Variants in TRPC5 observed in about 807,000 individuals in gnomAD.
TRPC5 encodes the protein transient receptor potential cation channel subfamily C member 5, also known as short transient receptor potential channel 5.
In TRPC5, 9 loss-of-function variants were observed where a neutral mutation model predicts 56.5. That is an observed-to-expected ratio of 0.16 (90% CI 0.10 to 0.28). The LOEUF (loss-of-function observed/expected upper bound fraction) is 0.28. TRPC5 is among the 10% of genes least tolerant of loss of function. TRPC5 has a pLI of 1.00. For synonymous variants in TRPC5, 282 were observed against 278.5 expected (o/e 1.01, Z -0.13); for missense variants, 469 against 748.9 (o/e 0.63, Z 4.36).
rs144243405 is a variant in TRPC5, at chrX:111,789,708, C to G, written c.1897-7570G>C. 5.5e-3 allele frequency among the ~76,000 whole-genome samples: 614 copies of G among 111,928 alleles called. 3 individuals carry two copies. The highest frequency in any genetic ancestry group is 0.019 in the African/African-American group (574 of 30,820). ...ATCCAGAATCTACAAAGAACTCAAG[C>G]AAATTTACAAGAAAAAAGCAACCCC... On this transcript the variant is annotated intron_variant, in intron 7 of 10. Transcript: ENST00000262839.
intron 3 of TRPC5, among the ~76,000 whole-genome samples, chrX:111,873,756 C>T (rs1923832829): frequency 9.1e-6 from 1 of 110,241 alleles, no homozygotes; most frequent in Admixed American, 9.7e-5. Flanking sequence ...TGCGCTGCAG[C>T]CTGGGCAACA....
chrX:112,056,992 C>T (rs1044808698), intron 1 of TRPC5, among the ~76,000 whole-genome samples: 1 of 112,408 alleles, frequency 8.9e-6, no homozygotes, highest in Non-Finnish European at 1.9e-5. Flanking sequence ...AACCAAAGGT[C>T]TGGCTTCAGC....
At chrX:111,796,048 T>C (rs181231285) in intron 7 of TRPC5, among the ~76,000 whole-genome samples, 46 of 112,144 alleles carry the variant, frequency 4.1e-4, no homozygotes, top group African/African-American at 1.4e-3. Flanking sequence ...TCTTAATTGA[T>C]CCATCTTCCA....
chrX:111,894,121 A>G (rs1924948129), intron 3 of TRPC5, among the ~76,000 whole-genome samples: 1 of 111,398 alleles, frequency 9.0e-6, no homozygotes, highest in Admixed American at 9.6e-5. Flanking sequence ...TCTGGCACCC[A>G]CCCTCACCAA....
chrX:112,008,283 T>C (rs1928893834), intron 1 of TRPC5, among the ~76,000 whole-genome samples: 1 of 111,903 alleles, frequency 8.9e-6, no homozygotes, highest in African/African-American at 3.2e-5. Flanking sequence ...ATGAACCTTA[T>C]TGTATTTTAG....
In TRPC5 at chrX:111,989,831, T is replaced by C. The variant is rs755386264; in HGVS notation, c.-21-37390A>G. Among the ~76,000 whole-genome samples the C allele has an allele frequency of 4.4e-4, 49 of 112,226 alleles. 1 individual carries two copies. The highest frequency in any genetic ancestry group is 8.3e-4 in the Non-Finnish European group (44 of 53,306). On this transcript the variant is annotated intron_variant, in intron 1 of 10. Coordinates refer to ENST00000262839, the MANE Select transcript of TRPC5 (RefSeq NM_012471.3). ...GCAAGATGCATACTGTATGATATCT[T>C]TGAAACAAATTAAAACACACAAAAA...
intron 3 of TRPC5, among the ~76,000 whole-genome samples, chrX:111,871,300 T>C (rs1923746858): frequency 9.1e-6 from 1 of 109,561 alleles, no homozygotes; most frequent in African/African-American, 3.4e-5. Context: ...ACCAAATAGA[T>C]GGAAGCAGGC....
At chrX:111,813,866 A>G (rs1487926701) in intron 7 of TRPC5, among the ~76,000 whole-genome samples, 3 of 112,316 alleles carry the variant, frequency 2.7e-5, no homozygotes, top group African/African-American at 9.7e-5. Context: ...AATTGCTGTG[A>G]CATATACATG....
chrX:111,821,299 G>T (rs1424680221), intron 7 of TRPC5, among the ~76,000 whole-genome samples: 1 of 110,869 alleles, frequency 9.0e-6, no homozygotes, highest in Non-Finnish European at 1.9e-5. Flanking sequence ...CAAAACAGAG[G>T]AAAAAGCAAA....
At chrX:112,019,772 C>A (rs1048334255) in intron 1 of TRPC5, among the ~76,000 whole-genome samples, 24 of 111,492 alleles carry the variant, frequency 2.2e-4, no homozygotes, top group African/African-American at 7.8e-4. Flanking sequence ...AAATGGAGGC[C>A]TAGCAAGTGG....
chrX:111,850,003 T>C (rs1490664992), intron 5 of TRPC5, among the ~76,000 whole-genome samples: 2 of 111,914 alleles, frequency 1.8e-5, no homozygotes, highest in Non-Finnish European at 3.8e-5. Context: ...TTATAAACCC[T>C]AAAGCAAAAT....
At chrX:112,022,961 G>C (rs975947512) in intron 1 of TRPC5, among the ~76,000 whole-genome samples, 1 of 110,681 alleles carries the variant, frequency 9.0e-6, no homozygotes, top group Non-Finnish European at 1.9e-5. Context: ...TTGAGACGGA[G>C]TCTCGCCCTG....
chrX:111,837,747 C>T (rs1922605652), intron 6 of TRPC5, among the ~76,000 whole-genome samples: 1 of 110,259 alleles, frequency 9.1e-6, no homozygotes, highest in African/African-American at 3.3e-5. Flanking sequence ...CAGATACAAA[C>T]GTTCCCTAAA....
intron 3 of TRPC5, among the ~76,000 whole-genome samples, chrX:111,888,433 G>C (rs1166384754): frequency 9.4e-6 from 1 of 106,618 alleles, no homozygotes; most frequent in African/African-American, 3.4e-5. Context: ...CCAGAACTTT[G>C]GGAGGCCGAG....
intron 3 of TRPC5, among the ~76,000 whole-genome samples, chrX:111,889,007 A>G (rs1345288372): frequency 8.9e-6 from 1 of 112,101 alleles, no homozygotes; most frequent in Non-Finnish European, 1.9e-5. Context: ...TTAGTTTTGA[A>G]TGTACTGTGT....
rs150199638 is a variant in TRPC5 at position 112,016,228 on chromosome X, G to A, written c.-21-63787C>T. ...GTTTGCTTAGAATGACCGGCAAGGC[G>A]GCTCCTGCATTTGCCATCCATCACC... is the stretch of plus-strand genomic sequence containing the variant. On this transcript the variant is annotated intron_variant, in intron 1 of 10. Transcript: ENST00000262839. Among the ~76,000 whole-genome samples the A allele has an allele frequency of 2.2e-3, 248 of 111,153 alleles. 2 individuals carry two copies. Among genetic ancestry groups the A allele is most frequent in the African/African-American group, 1.8e-3 (55 of 30,562 alleles).
In TRPC5 at chrX:111,781,529, GC is replaced by G. The variant is rs766229940; in HGVS notation, c.2101-324del. Among the ~76,000 whole-genome samples the G allele has an allele frequency of 2.3e-3, 256 of 111,686 alleles. 1 individual carries two copies. Among genetic ancestry groups the G allele is most frequent in the Middle Eastern group, 4.7e-3 (1 of 214 alleles). On this transcript the variant is annotated intron_variant, in intron 8 of 10. Coordinates refer to ENST00000262839, the MANE Select transcript of TRPC5 (RefSeq NM_012471.3). ...TCACGAGGTCAGGAGTTCAAGACCA[GC>G]CTGGCCAACATAGTGAAACCCTGTC... is the stretch of plus-strand genomic sequence containing the variant.
chrX:111,956,975 T>A (rs1927252987), intron 1 of TRPC5, among the ~76,000 whole-genome samples: 1 of 112,126 alleles, frequency 8.9e-6, no homozygotes, highest in Non-Finnish European at 1.9e-5. Flanking sequence ...TAGAGCAGCA[T>A]CAAGCAAAGC....
At chrX:111,825,424 G>A (rs1922203190) in intron 7 of TRPC5, among the ~76,000 whole-genome samples, 2 of 107,968 alleles carry the variant, frequency 1.9e-5, no homozygotes, top group Non-Finnish European at 3.8e-5. Flanking sequence ...GCTCATTTTT[G>A]TATTTTTTGT....
Sources: gnomAD v4.1 joint callset for allele counts (sites outside exome capture counted in the v4.1 genomes callset) on GRCh38, gnomAD v4.1.1 for gene constraint, MANE v1.5 for transcripts, NCBI Gene and HGNC (gene_info 2026-07-23, HGNC 2026-07-21) for gene names.